Variants in EP400 observed in about 807,000 individuals in gnomAD.
EP400 encodes E1A binding protein p400.
EP400 carries 105 observed loss-of-function variants against 354.1 expected under a neutral mutation model. That is an observed-to-expected ratio of 0.30 (90% CI 0.25 to 0.35). The LOEUF (loss-of-function observed/expected upper bound fraction) is 0.35. EP400 is among the 10% of genes least tolerant of loss of function. The probability of loss-of-function intolerance (pLI) is 1.00; values close to 1 mark genes in which losing one functional copy is unlikely to be tolerated. For synonymous variants in EP400, 1,646 were observed against 1,716.9 expected (o/e 0.96, Z 1.02); for missense variants, 3,280 against 4,121.0 (o/e 0.80, Z 5.59).
At chr12:131,956,466 A>AT (rs968405519) in intron 1 of EP400, among the ~76,000 whole-genome samples, 7 of 151,748 alleles carry the variant, frequency 4.6e-5, no homozygotes, top group East Asian at 1.9e-4. Flanking sequence ...ATGCTTTTTA[A>AT]TTTTTTTTGT....
rs374225128 is a variant in EP400, at chr12:132,033,188, A to T, written c.5951+1039A>T. On this transcript the variant is annotated intron_variant, in intron 30 of 52. Transcript: ENST00000389561. ...ATCTTGGAACTCCCGACCTCAGGTGATCGCCCGCCTTGGCCTCCCAAAGTG... is the reference window on the plus strand; with the variant it reads ...ATCTTGGAACTCCCGACCTCAGGTGTTCGCCCGCCTTGGCCTCCCAAAGTG... Among the ~76,000 whole-genome samples, 77 of 148,784 alleles carry T rather than the reference A, an allele frequency of 5.2e-4. 2 individuals are homozygous for T. The South Asian group carries it at 0.015, about 30-fold the overall frequency.
intron 16 of EP400, among the ~76,000 whole-genome samples, chr12:132,012,530 C>T (rs1391656339): frequency 6.6e-6 from 1 of 152,208 alleles, no homozygotes. Flanking sequence ...CTTAATACTA[C>T]CACCATGGGC....
Position 132,062,455 on chromosome 12 carries a change from C to T in EP400, c.8099-11C>T. ...TCCCTGTCCAGACCTAATGAGCAAA[C>T]CTCTTCATAGCCACAGGAGTTCAGC... is the stretch of plus-strand genomic sequence containing the variant. On this transcript the variant is annotated splice_polypyrimidine_tract_variant and intron_variant, in intron 46 of 52. Transcript: ENST00000389561. 6.2e-7 allele frequency: 1 copy of T among 1,613,008 alleles called. No homozygotes were observed. The highest frequency in any genetic ancestry group is 8.5e-7 in the Non-Finnish European group (1 of 1,179,928).
At chr12:132,026,390 G>T (rs1894305232) in intron 25 of EP400, among the ~76,000 whole-genome samples, 1 of 152,200 alleles carries the variant, frequency 6.6e-6, no homozygotes, top group Admixed American at 6.5e-5. Flanking sequence ...TGTCCATTCA[G>T]TTCCAGCCCC....
chr12:132,069,730 G>A, intron 51 of EP400, 89 bp downstream of exon 51: 1 of 1,558,128 alleles, frequency 6.4e-7, no homozygotes, highest in East Asian at 2.3e-5. Context: ...CGAGCTCCCA[G>A]CCCTTGCGGC....
intron 2 of EP400, among the ~76,000 whole-genome samples, chr12:131,975,218 A>G (rs1391953121): frequency 6.6e-6 from 1 of 152,136 alleles, no homozygotes; most frequent in African/African-American, 2.4e-5. Flanking sequence ...AACAGGGCGC[A>G]CAGTCCTCCC....
intron 30 of EP400, 56 bp from the exon 31 acceptor site, chr12:132,037,626 T>C: frequency 2.2e-6 from 3 of 1,388,340 alleles, no homozygotes; most frequent in Non-Finnish European, 3.1e-6. Flanking sequence ...TGTGCCCACC[T>C]GTTGTCACTG....
At chr12:131,989,550 A>G (rs771215148) in intron 7 of EP400, among the ~76,000 whole-genome samples, 1 of 152,216 alleles carries the variant, frequency 6.6e-6, no homozygotes, top group African/African-American at 2.4e-5. Flanking sequence ...CAGTTTGACA[A>G]TTTAAAGCAA....
chr12:132,077,566 C>A lies in EP400; in HGVS notation c.9265C>A (p.Pro3089Thr), dbSNP rs763758796. ...GCTCCAGACTCCAGGCGCTCCCAAC[C>A]CAGCCCAGGTGCCCGCCAGCTCCGA... ...APLQTPGAPN[P>T]AQVPASSDSP... The change falls in exon 53 of 53, where the codon CCA becomes ACA. Residue 3089 changes from proline (P) to threonine (T), a missense_variant. By Grantham distance (38) the Pro-to-Thr change is conservative. Around this residue, in one of 20 missense-constraint regions of EP400, gnomAD observed 279 missense variants for 386.7 expected, o/e 0.72. Coordinates refer to ENST00000389561, the MANE Select transcript of EP400 (RefSeq NM_015409.5). The A allele has an allele frequency of 1.9e-6, 3 of 1,613,772 alleles. No individual in the cohort carries two copies. The highest frequency in any genetic ancestry group is 3.3e-5 in the Admixed American group (2 of 60,006).
At chr12:131,979,153 G>A (rs1892589495) in intron 2 of EP400, among the ~76,000 whole-genome samples, 1 of 150,774 alleles carries the variant, frequency 6.6e-6, no homozygotes, top group South Asian at 2.1e-4. Context: ...GGAGGCAGAG[G>A]TTGCACTGAG....
intron 50 of EP400, chr12:132,068,340 G>A (rs1228478750): frequency 6.6e-6 from 1 of 152,386 alleles, no homozygotes; most frequent in Non-Finnish European, 1.5e-5. Flanking sequence ...GACGGAGGAT[G>A]TTGTCTTGAG....
chr12:132,024,076 A>C, intron 24 of EP400, 135 bp downstream of exon 24: 95 of 991,268 alleles, frequency 9.6e-5, no homozygotes, highest in Middle Eastern at 3.3e-4. Context: ...ATCTCACCTC[A>C]TGGGTTCATG....
chr12:132,014,371 G>T (rs948373407), intron 19 of EP400, among the ~76,000 whole-genome samples: 7 of 152,182 alleles, frequency 4.6e-5, no homozygotes, highest in East Asian at 3.9e-4. Context: ...AATGCGCCAC[G>T]CAATGCACAC....
At position 131,990,738 on chromosome 12, in the gene EP400, C is replaced by T. The variant is rs375605529; in HGVS notation, c.2629+24C>T. On this transcript the variant is annotated intron_variant, in intron 9 of 52. Transcript: ENST00000389561. The surrounding 1 kb of genome is among the most constrained non-coding windows in gnomAD (Gnocchi z 4.2). ...AGGTAGGACCCTTTAAAAAAAGGCT[C>T]ACCACGCTTGGGTGGTATTTTGTTC... The T allele has an allele frequency of 6.1e-5, 95 of 1,549,892 alleles. No homozygotes were observed. The highest frequency in any genetic ancestry group is 8.0e-5 in the Non-Finnish European group (91 of 1,130,852).
In EP400 at chr12:132,017,767, C is replaced by G. The variant is rs984698326; in HGVS notation, c.4110+46C>G. On this transcript the variant is annotated intron_variant, in intron 20 of 52. Coordinates refer to ENST00000389561, the MANE Select transcript of EP400 (RefSeq NM_015409.5). This position sits in a 1 kb window ranked among gnomAD's most constrained non-coding sequence, Gnocchi z 5.0. ...GCGGAATTACTGTTGGATATCTTTT[C>G]TAGGCACATTATAGATAAAACCATT... The G allele has an allele frequency of 2.0e-6, 3 of 1,493,828 alleles. No homozygotes were observed. Among genetic ancestry groups the G allele is most frequent in the African/African-American group, 1.4e-5 (1 of 70,894 alleles). The allele number at this position is 1,493,828 out of a possible 1,614,324, so 92.5% of individuals were successfully genotyped here. A position where few individuals can be genotyped will look rare whatever the true frequency, so the allele number is the denominator to read the frequency against.
chr12:132,038,774 G>A lies in EP400; in HGVS notation c.6207+678G>A, dbSNP rs1417509466. On this transcript the variant is annotated intron_variant, in intron 32 of 52. Coordinates refer to ENST00000389561, the MANE Select transcript of EP400 (RefSeq NM_015409.5). This position sits in a 1 kb window ranked among gnomAD's most constrained non-coding sequence, Gnocchi z 4.2. ...CCCTCCCTGTCCCCGTGGCTTGCCC[G>A]CCAAAGCCCTGCAGCCCCACGTCCT... Among the ~76,000 whole-genome samples, 7 of 152,092 alleles carry A rather than the reference G, an allele frequency of 4.6e-5. No individual in the cohort carries two copies. Among genetic ancestry groups the A allele is most frequent in the Non-Finnish European group, 7.4e-5 (5 of 68,024 alleles).
chr12:132,076,270 T>A, intron 51 of EP400: 16 of 554,626 alleles, frequency 2.9e-5, no homozygotes, highest in Non-Finnish European at 3.7e-5. Flanking sequence ...GTGTCTGAAA[T>A]ATGAGACCAA....
Position 132,064,725 on chromosome 12 carries a change from C to T in EP400, c.8392C>T (p.Pro2798Ser), listed in dbSNP as rs201104289. The T allele has an allele frequency of 8.4e-5, 135 of 1,613,692 alleles. No individual in the cohort carries two copies. The highest frequency in any genetic ancestry group is 1.1e-4 in the Non-Finnish European group (124 of 1,179,946). Residue 2798 changes from proline (P) to serine (S), a missense_variant, in exon 48 of 53, where the codon CCA becomes TCA. Around this residue, in one of 20 missense-constraint regions of EP400, gnomAD observed 86 missense variants for 66.4 expected, o/e 1.29. Transcript: ENST00000389561. ...KLQMPPQPPP[P>S]QAQSAPPQPT... ...GCAGATGCCCCCGCAGCCCCCACCG[C>T]CACAGGCCCAGTCTGCGCCCCCGCA...
intron 39 of EP400, 25 bp downstream of exon 39, chr12:132,045,925 C>G: frequency 6.2e-7 from 1 of 1,612,286 alleles, no homozygotes; most frequent in Non-Finnish European, 8.5e-7. Flanking sequence ...GTTTGTCCTT[C>G]GAGGAGAGCA....
Sources: gnomAD v4.1 joint callset for allele counts (sites outside exome capture counted in the v4.1 genomes callset) on GRCh38, gnomAD v4.1.1 for gene constraint, gnomAD v4.1.1 regional missense constraint, Gnocchi (gnomAD v3.1) non-coding constraint, MANE v1.5 for transcripts, NCBI Gene and HGNC (gene_info 2026-07-23, HGNC 2026-07-21) for gene names.